TMEM182: variants seen among roughly 807,000 people sequenced by gnomAD.
TMEM182 encodes the protein transmembrane protein 182.
TMEM182 carries 20 observed loss-of-function variants against 26.8 expected under a neutral mutation model. That is an observed-to-expected ratio of 0.75 (90% CI 0.53 to 1.09). The LOEUF is 1.09. Among genes scored for constraint, TMEM182 ranks in the 50% least tolerant of loss-of-function variants. The pLI is 0.00. For missense variants in TMEM182, 277 were observed against 275.5 expected (o/e 1.01, Z -0.04); for synonymous variants, 109 against 102.2 (o/e 1.07, Z -0.40).
At position 102,762,297 on chromosome 2, in the gene TMEM182, C is replaced by G. The variant is rs767689957; in HGVS notation, c.80C>G (p.Ser27Trp). The G allele has an allele frequency of 1.9e-6, 3 of 1,613,738 alleles. No individual in the cohort carries two copies. The Admixed American group carries it at 5.0e-5, about 27-fold the overall frequency. Residue 27 changes from serine to tryptophan, a missense_variant, in exon 1 of 5, where the codon TCG becomes TGG. Ser to Trp is a radical substitution (Grantham distance 177). Transcript: ENST00000412401. ...TTACTCTTTTTGGTGGCTTTTGGAT[C>G]GGATTATTGGCTTCTTGCAACTGAA... The part of the protein sequence containing the change: ...GVLLFLVAFG[S>W]DYWLLATEVG...
At chr2:102,835,962 G>A (rs184685657) in intron 3 of TMEM182, among the ~76,000 whole-genome samples, 90 of 151,750 alleles carry the variant, frequency 5.9e-4, no homozygotes, top group South Asian at 1.3e-3. Context: ...GTTTCTCAAG[G>A]ACAGAATGTT....
rs918026287 is a variant in TMEM182, at chr2:102,743,158, G to A, written c.-83+6145G>A. On this transcript the variant is annotated intron_variant, in intron 1 of 5. Coordinates refer to the TMEM182 transcript ENST00000409173. ...TTATCAGGGAATGAGGGAGCATTTC[G>A]AAATACAAAGTCATAAGGTATCAAC... Among the ~76,000 whole-genome samples the A allele has an allele frequency of 3.1e-4, 47 of 152,204 alleles. 1 individual carries two copies. Among genetic ancestry groups the A allele is most frequent in the Admixed American group, 5.2e-4 (8 of 15,290 alleles).
In TMEM182 at chr2:102,816,266, C is replaced by G; in HGVS notation, c.*1298C>G. On this transcript the variant is annotated 3_prime_UTR_variant, in exon 5 of 5. Transcript: ENST00000412401. Reference sequence around the variant, plus strand: ...GAGCTTTGTTGGAGGTGCGGTGTTTCATTCTGCAGCTGTTGTGAGGACAGA... The same window carrying G: ...GAGCTTTGTTGGAGGTGCGGTGTTTGATTCTGCAGCTGTTGTGAGGACAGA... 1 of 985,142 alleles carries G rather than the reference C, an allele frequency of 1.0e-6. No homozygotes were observed. The allele number at this position is 985,142 out of a possible 1,614,324, so 61.0% of individuals were successfully genotyped here. A position where few individuals can be genotyped will look rare whatever the true frequency, so the allele number is the denominator to read the frequency against.
chr2:102,806,718 C>G (rs79596867), intron 4 of TMEM182, among the ~76,000 whole-genome samples: 1 of 152,132 alleles, frequency 6.6e-6, no homozygotes, highest in East Asian at 1.9e-4. Flanking sequence ...TTGTCATGTT[C>G]CAGGCACTGT....
At chr2:102,803,974 G>A (rs1271950218) in intron 4 of TMEM182, among the ~76,000 whole-genome samples, 2 of 152,082 alleles carry the variant, frequency 1.3e-5, no homozygotes, top group South Asian at 2.1e-4. Flanking sequence ...ATCCACATCT[G>A]CATGCACACG....
At chr2:102,806,433 A>G (rs553191937) in intron 4 of TMEM182, among the ~76,000 whole-genome samples, 28 of 152,264 alleles carry the variant, frequency 1.8e-4, no homozygotes, top group Non-Finnish European at 4.1e-4. Context: ...CTGTGGGGTG[A>G]CTGGTGCCAC....
intron 3 of TMEM182, among the ~76,000 whole-genome samples, chr2:102,782,995 C>T (rs1681237905): frequency 6.6e-6 from 1 of 152,094 alleles, no homozygotes; most frequent in Non-Finnish European, 1.5e-5. Flanking sequence ...GTTATTTACA[C>T]CAATAAACCA....
chr2:102,772,899 CA>C (rs1164244859), intron 3 of TMEM182, among the ~76,000 whole-genome samples: 1 of 151,900 alleles, frequency 6.6e-6, no homozygotes, highest in African/African-American at 2.4e-5. Flanking sequence ...ATAAATTCAT[CA>C]CAGCTTCTCC....
intron 1 of TMEM182, among the ~76,000 whole-genome samples, chr2:102,755,020 A>G (rs187055137): frequency 7.9e-5 from 12 of 152,306 alleles, no homozygotes; most frequent in Admixed American, 7.8e-4. Context: ...TCTAGATTTT[A>G]ACAGATTGCT....
At chr2:102,772,970 A>G (rs1680744284) in intron 3 of TMEM182, among the ~76,000 whole-genome samples, 1 of 151,850 alleles carries the variant, frequency 6.6e-6, no homozygotes. Flanking sequence ...GTGTGTCCAC[A>G]TAAGGCATTT....
intron 4 of TMEM182, among the ~76,000 whole-genome samples, chr2:102,800,072 G>A (rs189536065): frequency 7.4e-4 from 113 of 151,776 alleles, no homozygotes; most frequent in Middle Eastern, 6.8e-3. Context: ...TCTTTCTTTT[G>A]TCTTTTATTT....
At chr2:102,785,514 G>A (rs923661174) in intron 3 of TMEM182, among the ~76,000 whole-genome samples, 1 of 152,176 alleles carries the variant, frequency 6.6e-6, no homozygotes, top group African/African-American at 2.4e-5. Context: ...TCCTAGCCTA[G>A]CACAGTAGCT....
intron 3 of TMEM182, among the ~76,000 whole-genome samples, chr2:102,793,545 G>T (rs1416209478): frequency 1.3e-5 from 2 of 152,116 alleles, no homozygotes; most frequent in Admixed American, 6.6e-5. Context: ...TCCCCCTGAG[G>T]ATATGAAAAT....
intron 3 of TMEM182, among the ~76,000 whole-genome samples, chr2:102,786,268 G>A (rs1681391225): frequency 7.5e-6 from 1 of 133,478 alleles, no homozygotes; most frequent in African/African-American, 2.9e-5. Flanking sequence ...AGGCGGGAAT[G>A]CAGTGGTGTG....
chr2:102,785,760 A>G (rs927656670), intron 3 of TMEM182, among the ~76,000 whole-genome samples: 30 of 152,218 alleles, frequency 2.0e-4, no homozygotes, highest in Admixed American at 1.7e-3. Flanking sequence ...TAACAATATC[A>G]TAAAAGACTA....
intron 1 of TMEM182, among the ~76,000 whole-genome samples, chr2:102,745,913 C>G (rs1679682385): frequency 6.6e-6 from 1 of 152,102 alleles, no homozygotes; most frequent in Admixed American, 6.5e-5. Context: ...CTGCTATGAA[C>G]ATTTGTGTAT....
rs1157319041 is a variant in TMEM182 at position 102,815,242 on chromosome 2, T to C, written c.*274T>C. ...CTTTCATTGAACATGTTAGAGTTCA[T>C]GCAGGTCGCAAAGGCCTGATAATAG... On this transcript the variant is annotated 3_prime_UTR_variant, in exon 5 of 5. Transcript: ENST00000412401. 21 of 1,194,494 alleles carry C rather than the reference T, an allele frequency of 1.8e-5. No homozygotes were observed. The highest frequency in any genetic ancestry group is 4.3e-5 in the Admixed American group (1 of 23,288). 74.0% of individuals were successfully genotyped at this position (1,194,494 alleles called of 1,614,324 possible). A position where few individuals can be genotyped will look rare whatever the true frequency, so the allele number is the denominator to read the frequency against.
intron 1 of TMEM182, among the ~76,000 whole-genome samples, chr2:102,746,967 C>T (rs950623654): frequency 2.0e-5 from 3 of 152,142 alleles, no homozygotes; most frequent in African/African-American, 7.2e-5. Context: ...TTTTCTTTAA[C>T]GAATGTTTTA....
At position 102,816,080 on chromosome 2, in the gene TMEM182, G is replaced by T. The variant is rs940593699; in HGVS notation, c.*1112G>T. 2 of 985,314 alleles carry T rather than the reference G, an allele frequency of 2.0e-6. No individual in the cohort carries two copies. The highest frequency in any genetic ancestry group is 2.4e-6 in the Non-Finnish European group (2 of 829,908). 61.0% of individuals were successfully genotyped at this position (985,314 alleles called of 1,614,324 possible). The stretch of plus-strand genomic sequence containing the variant: ...TTTAACCTCCTAGAAGAAAGTTTTT[G>T]TGGGGAAAGATGATTCTGTATTATT... On this transcript the variant is annotated 3_prime_UTR_variant, in exon 5 of 5. Coordinates refer to ENST00000412401, the MANE Select transcript of TMEM182 (RefSeq NM_144632.5).
Sources: gnomAD v4.1 joint callset for allele counts (sites outside exome capture counted in the v4.1 genomes callset) on GRCh38, gnomAD v4.1.1 for gene constraint, MANE v1.5 for transcripts, NCBI Gene and HGNC (gene_info 2026-07-23, HGNC 2026-07-21) for gene names.